The following SYNPR variants were observed in gnomAD, a reference collection of about 807,000 sequenced individuals.
The protein encoded by SYNPR is synaptoporin.
Under a neutral mutation model 32.9 loss-of-function variants are expected in SYNPR, and 23 were observed. That is an observed-to-expected ratio of 0.70 (90% CI 0.50 to 0.99). The LOEUF (loss-of-function observed/expected upper bound fraction) is 0.99, where lower values mean the gene tolerates loss of function less well. Ranked by LOEUF, SYNPR falls within the 50% of genes least tolerant of loss-of-function variation. The pLI is 0.00. For missense variants in SYNPR, 318 were observed against 349.3 expected, an observed-to-expected ratio of 0.91 and a Z score of 0.71; for synonymous variants, 146 against 135.9, an observed-to-expected ratio of 1.07 and a Z score of -0.52.
At chr3:63,224,503 A>T (rs2086114673), upstream of SYNPR, among the ~76,000 whole-genome samples, 1 of 152,210 alleles carries the variant, frequency 6.6e-6, no homozygotes, top group Admixed American at 6.5e-5. Context: ...AGCACAGTTG[A>T]ACTAATTAAC....
intron 2 of SYNPR, among the ~76,000 whole-genome samples, chr3:63,478,385 T>G (rs1700976596): frequency 6.6e-6 from 1 of 152,188 alleles, no homozygotes; most frequent in African/African-American, 2.4e-5. Flanking sequence ...TCTCAAGGAT[T>G]TTTTTGAATG....
chr3:63,607,507 C>T (rs549328099), intron 4 of SYNPR, among the ~76,000 whole-genome samples: 2 of 152,016 alleles, frequency 1.3e-5, no homozygotes, highest in South Asian at 2.1e-4. Context: ...CTCAGAAAGG[C>T]TCATAAGGAC....
At chr3:63,432,283 T>C (rs1362423476) in intron 2 of SYNPR, among the ~76,000 whole-genome samples, 6 of 152,116 alleles carry the variant, frequency 3.9e-5, no homozygotes, top group Non-Finnish European at 5.9e-5. Flanking sequence ...ATTTATGTCC[T>C]TGTCTCTCAG....
intron 3 of SYNPR, among the ~76,000 whole-genome samples, chr3:63,500,264 C>G (rs1701454607): frequency 6.6e-6 from 1 of 152,108 alleles, no homozygotes; most frequent in Non-Finnish European, 1.5e-5. Flanking sequence ...AAATAAAGAG[C>G]AGTCCTCTAT....
At chr3:63,315,439 G>A (rs1405036454) in intron 2 of SYNPR, among the ~76,000 whole-genome samples, 2 of 151,994 alleles carry the variant, frequency 1.3e-5, no homozygotes, top group Non-Finnish European at 2.9e-5. Context: ...TTTCCTTGTA[G>A]AGGACTTTCA....
At chr3:63,477,735 C>A (rs1700958262) in intron 2 of SYNPR, among the ~76,000 whole-genome samples, 1 of 152,200 alleles carries the variant, frequency 6.6e-6, no homozygotes, top group Non-Finnish European at 1.5e-5. Context: ...TCCCCACTGT[C>A]CATCTGCTAG....
upstream of SYNPR, among the ~76,000 whole-genome samples, chr3:63,224,072 A>T (rs538092841): frequency 5.9e-5 from 9 of 152,340 alleles, no homozygotes; most frequent in South Asian, 1.9e-3. Context: ...TTCAAAATGG[A>T]AAGAAATGAG....
intron 2 of SYNPR, among the ~76,000 whole-genome samples, chr3:63,284,849 A>G (rs2086665850): frequency 6.6e-6 from 1 of 152,202 alleles, no homozygotes; most frequent in African/African-American, 2.4e-5. Context: ...CAGGCATCAT[A>G]TGGGGGACTA....
At chr3:63,211,747 T>C in the SYNPR span, among the ~76,000 whole-genome samples, 1 of 148,418 alleles carries the variant, frequency 6.7e-6, no homozygotes, top group Non-Finnish European at 1.5e-5. Flanking sequence ...TTAGGGTACA[T>C]GTGCACATTG....
chr3:63,475,749 C>T (rs985674677), intron 2 of SYNPR, among the ~76,000 whole-genome samples: 3 of 152,126 alleles, frequency 2.0e-5, no homozygotes, highest in Non-Finnish European at 4.4e-5. Flanking sequence ...GCTTTTCTCA[C>T]TCCTTAGCCT....
intron 2 of SYNPR, among the ~76,000 whole-genome samples, chr3:63,262,538 T>C (rs1441247095): frequency 1.3e-5 from 2 of 152,118 alleles, no homozygotes; most frequent in Non-Finnish European, 2.9e-5. Context: ...ATGGTGAGAA[T>C]AGATCCTACT....
intron 3 of SYNPR, among the ~76,000 whole-genome samples, chr3:63,524,897 G>GAT (rs1701983308): frequency 6.8e-6 from 1 of 147,838 alleles, no homozygotes; most frequent in Admixed American, 6.8e-5. Flanking sequence ...GAGAGAGAGA[G>GAT]AAGTCAGCTC....
Position 63,615,554 on chromosome 3 carries a change from G to T in SYNPR, c.*73G>T. The T allele has an allele frequency of 1.3e-6, 2 of 1,535,856 alleles. No homozygotes were observed. Among genetic ancestry groups the T allele is most frequent in the Non-Finnish European group, 1.8e-6 (2 of 1,140,654 alleles). On this transcript the variant is annotated 3_prime_UTR_variant, in exon 6 of 6. Coordinates refer to ENST00000478300, the MANE Select transcript of SYNPR (RefSeq NM_001130003.2). ...TCAGTGGCAGAAGAATTTTTTAAGG[G>T]TTTCAATCAATTATTAATGCAGAGA... is the stretch of plus-strand genomic sequence containing the variant.
intron 2 of SYNPR, among the ~76,000 whole-genome samples, chr3:63,322,786 T>C (rs189001644): frequency 2.6e-5 from 4 of 152,160 alleles, no homozygotes; most frequent in African/African-American, 9.6e-5. Flanking sequence ...TTGAGGCAAA[T>C]GTAAACATAT....
At chr3:63,510,942 C>A (rs1256204010) in intron 3 of SYNPR, among the ~76,000 whole-genome samples, 1 of 68,196 alleles carries the variant, frequency 1.5e-5, no homozygotes, top group Non-Finnish European at 3.8e-5. Context: ...TGTGCGCGCA[C>A]GTTGTGTGTG....
chr3:63,329,912 A>G (rs1181009949), intron 2 of SYNPR, among the ~76,000 whole-genome samples: 1 of 152,116 alleles, frequency 6.6e-6, no homozygotes, highest in Non-Finnish European at 1.5e-5. Context: ...CCCTTATTAA[A>G]GGAGGAAAGT....
chr3:63,479,630 T>A (rs1441353190), intron 2 of SYNPR, among the ~76,000 whole-genome samples: 1 of 152,184 alleles, frequency 6.6e-6, no homozygotes, highest in African/African-American at 2.4e-5. Context: ...GAGTTATAGA[T>A]AATATTCATT....
At chr3:63,458,542 C>T (rs543512563) in intron 2 of SYNPR, among the ~76,000 whole-genome samples, 8 of 152,228 alleles carry the variant, frequency 5.3e-5, no homozygotes, top group African/African-American at 1.9e-4. Context: ...AGGTTCTAAG[C>T]AAGCAAGCAA....
chr3:63,352,801 A>G (rs937417343), intron 2 of SYNPR, among the ~76,000 whole-genome samples: 1 of 152,194 alleles, frequency 6.6e-6, no homozygotes, highest in Non-Finnish European at 1.5e-5. Context: ...ATGGTGGCAG[A>G]CAAGAAAGCA....
Sources: allele counts gnomAD v4.1 joint callset (sites outside exome capture counted in the v4.1 genomes callset), GRCh38; gene constraint gnomAD v4.1.1; transcripts MANE v1.5; gene names NCBI Gene and HGNC (gene_info 2026-07-23, HGNC 2026-07-21).